The following SNX29 variants were observed in gnomAD, a reference collection of about 807,000 sequenced individuals.
SNX29 encodes sorting nexin-29.
SNX29 carries 78 observed loss-of-function variants against 102.1 expected under a neutral mutation model. The ratio of observed to expected loss-of-function variants is 0.76; its 90% confidence interval spans 0.64 to 0.92. The LOEUF (loss-of-function observed/expected upper bound fraction) is 0.92. Ranked by LOEUF, SNX29 falls within the 40% of genes least tolerant of loss-of-function variation. The probability of loss-of-function intolerance (pLI) is 0.00; values close to 1 mark genes in which losing one functional copy is unlikely to be tolerated. For synonymous variants in SNX29, 580 were observed against 414.5 expected (o/e 1.40, Z -4.85); for missense variants, 1,280 against 1,061.7 (o/e 1.21, Z -2.86).
intron 1 of SNX29, among the ~76,000 whole-genome samples, chr16:11,984,358 C>A (rs1351816766): frequency 7.5e-6 from 1 of 132,550 alleles, no homozygotes. Flanking sequence ...AGAGCCAGAC[C>A]CCTCAGACCC....
chr16:12,539,317 GTT>G (rs890376295), intron 20 of SNX29, among the ~76,000 whole-genome samples: 1 of 150,836 alleles, frequency 6.6e-6, no homozygotes, highest in Non-Finnish European at 1.5e-5. Flanking sequence ...TCCCCCTCTA[GTT>G]TTGTCTTTTC....
intron 16 of SNX29, among the ~76,000 whole-genome samples, chr16:12,380,797 A>G (rs1053768822): frequency 1.2e-4 from 1 of 8,434 alleles, no homozygotes; most frequent in African/African-American, 4.1e-4. Flanking sequence ...ATCCACCCAC[A>G]CACCATCCAT....
rs75357763 is a variant in SNX29 at position 12,097,260 on chromosome 16, C to T, written c.1402+18345C>T. On this transcript the variant is annotated intron_variant, in intron 11 of 20. Transcript: ENST00000566228. ...TCACAGAGGAGACGGGAGTGCTTAG[C>T]GGTAGATAAACCTAGCCAGCATCAC... Among the ~76,000 whole-genome samples, 143 of 152,314 alleles carry T rather than the reference C, an allele frequency of 9.4e-4. 1 individual carries two copies. The East Asian group carries it at 0.02, about 22-fold the overall frequency.
chr16:12,090,757 T>C (rs567402896), intron 11 of SNX29, among the ~76,000 whole-genome samples: 6 of 152,190 alleles, frequency 3.9e-5, no homozygotes, highest in African/African-American at 1.2e-4. Context: ...ACACCTGTAA[T>C]CCCAGCACTT....
intron 4 of SNX29, chr16:12,027,866 C>G (rs1246671114): frequency 6.0e-6 from 1 of 167,302 alleles, no homozygotes; most frequent in Non-Finnish European, 1.3e-5. Context: ...GTTGGAAAAA[C>G]ATTTCCATGT....
At chr16:12,091,443 T>G (rs2052537736) in intron 11 of SNX29, among the ~76,000 whole-genome samples, 1 of 152,012 alleles carries the variant, frequency 6.6e-6, no homozygotes, top group Non-Finnish European at 1.5e-5. Context: ...TGGGAGTTGA[T>G]TAGGTCATGA....
intron 18 of SNX29, among the ~76,000 whole-genome samples, chr16:12,464,766 A>G (rs1452782222): frequency 6.6e-6 from 1 of 152,156 alleles, no homozygotes; most frequent in African/African-American, 2.4e-5. Flanking sequence ...TATTTTCTTT[A>G]GATATATATC....
At chr16:12,374,194 G>C (rs2082789404) in intron 16 of SNX29, among the ~76,000 whole-genome samples, 1 of 152,226 alleles carries the variant, frequency 6.6e-6, no homozygotes, top group Non-Finnish European at 1.5e-5. Context: ...TTCATTGGAT[G>C]CTAATAGTGT....
rs1365889484 is a variant in SNX29, at chr16:12,444,167, T to C, written c.2038-33552T>C. The stretch of plus-strand genomic sequence containing the variant: ...TAAGCACTCAGTATAGCACCTAGCA[T>C]GTAATAAGCACTCAATATAGCACCT... On this transcript the variant is annotated intron_variant, in intron 18 of 20. Coordinates refer to ENST00000566228, the MANE Select transcript of SNX29 (RefSeq NM_032167.5). 2.6e-5 allele frequency among the ~76,000 whole-genome samples: 4 copies of C among 151,874 alleles called. No individual in the cohort carries two copies. The East Asian group carries it at 5.8e-4, about 22-fold the overall frequency.
At chr16:12,248,136 G>T (rs1567354873) in intron 14 of SNX29, among the ~76,000 whole-genome samples, 1 of 152,132 alleles carries the variant, frequency 6.6e-6, no homozygotes, top group African/African-American at 2.4e-5. Context: ...ATAGAAGTTG[G>T]CTCATGTCAC....
intron 14 of SNX29, among the ~76,000 whole-genome samples, chr16:12,221,779 T>C (rs1316356871): frequency 6.6e-6 from 1 of 152,154 alleles, no homozygotes; most frequent in African/African-American, 2.4e-5. Flanking sequence ...CCTGCATGCG[T>C]TGGTCCTGTC....
At chr16:12,059,533 T>A (rs1596729186) in intron 8 of SNX29, among the ~76,000 whole-genome samples, 2 of 152,314 alleles carry the variant, frequency 1.3e-5, no homozygotes, top group East Asian at 3.9e-4. Flanking sequence ...CTAGGATTAT[T>A]TCCTCCTGTG....
chr16:12,008,995 G>A (rs2056555385), intron 3 of SNX29, among the ~76,000 whole-genome samples: 1 of 152,076 alleles, frequency 6.6e-6, no homozygotes, highest in Admixed American at 6.6e-5. Flanking sequence ...ACCTGCCTCA[G>A]CCTCCCAAAC....
intron 18 of SNX29, among the ~76,000 whole-genome samples, chr16:12,459,828 C>T (rs1335167187): frequency 2.0e-5 from 3 of 152,134 alleles, no homozygotes; most frequent in East Asian, 1.9e-4. Context: ...CCCTTGTACC[C>T]GTCCAGTAAT....
intron 20 of SNX29, among the ~76,000 whole-genome samples, chr16:12,550,718 C>T (rs968371838): frequency 1.3e-5 from 2 of 152,168 alleles, no homozygotes; most frequent in Non-Finnish European, 2.9e-5. Flanking sequence ...TCTTATTCTA[C>T]ACTCCTGTGT....
intron 1 of SNX29, among the ~76,000 whole-genome samples, chr16:11,991,936 A>G (rs2055870605): frequency 6.6e-6 from 1 of 151,996 alleles, no homozygotes; most frequent in African/African-American, 2.4e-5. Flanking sequence ...GGAGAATCCT[A>G]CTGTAGTTGT....
At chr16:12,273,857 G>A (rs1320673973) in intron 14 of SNX29, among the ~76,000 whole-genome samples, 2 of 152,162 alleles carry the variant, frequency 1.3e-5, no homozygotes, top group Admixed American at 1.3e-4. Context: ...TTCGGATCTG[G>A]CTTCTTTCCC....
intron 20 of SNX29, chr16:12,546,491 G>A: frequency 6.6e-6 from 1 of 152,286 alleles, no homozygotes; most frequent in South Asian, 2.1e-4. Flanking sequence ...GAACAGCACA[G>A]GAAAGACTCG....
chr16:12,412,331 G>A (rs1434761568), intron 18 of SNX29, among the ~76,000 whole-genome samples: 2 of 152,148 alleles, frequency 1.3e-5, no homozygotes, highest in Non-Finnish European at 2.9e-5. Context: ...TCTGCTCCAC[G>A]TTGCTCCTCA....
Sources: gnomAD v4.1 joint callset for allele counts (sites outside exome capture counted in the v4.1 genomes callset) on GRCh38, gnomAD v4.1.1 for gene constraint, MANE v1.5 for transcripts, NCBI Gene and HGNC (gene_info 2026-07-23, HGNC 2026-07-21) for gene names.